Variants in PRKD1 observed in about 807,000 individuals in gnomAD.
The protein encoded by PRKD1 is serine/threonine-protein kinase D1.
In PRKD1, 63 loss-of-function variants were observed where a neutral mutation model predicts 95.9. The ratio of observed to expected loss-of-function variants is 0.66; its 90% CI spans 0.54 to 0.81. The LOEUF (loss-of-function observed/expected upper bound fraction) is 0.81, where lower values mean the gene tolerates loss of function less well. Ranked by LOEUF, PRKD1 falls within the 30% of genes least tolerant of loss-of-function variation. The pLI is 0.00. For missense variants in PRKD1, 1,048 were observed against 1,165.3 expected (o/e 0.90, Z 1.47); for synonymous variants, 425 against 423.1 (o/e 1.00, Z -0.05).
chr14:29,656,597 A>G, intron 4 of PRKD1: 3 of 1,332,526 alleles, frequency 2.3e-6, no homozygotes, highest in Non-Finnish European at 3.1e-6. Context: ...AGCAAAGCAC[A>G]TTACTCAATA....
chr14:29,755,012 T>G (rs1887631467), intron 1 of PRKD1, among the ~76,000 whole-genome samples: 1 of 152,108 alleles, frequency 6.6e-6, no homozygotes, highest in Non-Finnish European at 1.5e-5. Flanking sequence ...AATTCAATTA[T>G]GTTAATTCCT....
At chr14:29,858,805 T>C (rs988641085) in intron 1 of PRKD1, among the ~76,000 whole-genome samples, 12 of 152,206 alleles carry the variant, frequency 7.9e-5, no homozygotes, top group Admixed American at 7.2e-4. Flanking sequence ...TATTCTCATT[T>C]CTTTTTCCAT....
Position 29,669,219 on chromosome 14 carries a change from T to C in PRKD1, c.404-3011A>G, listed in dbSNP as rs544111857. On this transcript the variant is annotated intron_variant, in intron 2 of 17. Transcript: ENST00000331968. ...TTCTCAAGATCAAAAATTCTTTTAG[T>C]ATGCTTTTTGCATGAGCTCCATGTT... Among the ~76,000 whole-genome samples, 7 of 152,318 alleles carry C rather than the reference T, an allele frequency of 4.6e-5. No individual in the cohort carries two copies. In the South Asian group the frequency reaches 1.5e-3, roughly 32 times the overall value.
intron 2 of PRKD1, among the ~76,000 whole-genome samples, chr14:29,706,880 G>T (rs1056239910): frequency 6.6e-6 from 1 of 152,110 alleles, no homozygotes; most frequent in Admixed American, 6.6e-5. Flanking sequence ...GATTCTTAGG[G>T]AAGGATATAT....
chr14:29,598,743 G>A (rs1443138125), intron 15 of PRKD1, among the ~76,000 whole-genome samples: 2 of 152,148 alleles, frequency 1.3e-5, no homozygotes, highest in Non-Finnish European at 1.5e-5. Context: ...CCATTAATGA[G>A]CAGGTAACAT....
rs534407511 is a variant in PRKD1 at position 29,803,233 on chromosome 14, C to T, written c.265-77559G>A. On this transcript the variant is annotated intron_variant, in intron 1 of 17. Coordinates refer to ENST00000331968, the MANE Select transcript of PRKD1 (RefSeq NM_002742.3). ...TGGAGGGAAAAACAGAGCTAAGGTC[C>T]AAATATTGTGAAATACAATGTACAT... is the stretch of plus-strand genomic sequence containing the variant. Among the ~76,000 whole-genome samples the T allele has an allele frequency of 5.9e-5, 9 of 152,226 alleles. No individual in the cohort carries two copies. The South Asian group carries it at 8.3e-4, about 14-fold the overall frequency.
chr14:29,717,041 A>T (rs1333200098), intron 2 of PRKD1, among the ~76,000 whole-genome samples: 2 of 152,194 alleles, frequency 1.3e-5, no homozygotes, highest in Non-Finnish European at 2.9e-5. Context: ...TTACTAATAG[A>T]TTATGTCAAG....
chr14:29,663,158 T>TATATAC (rs569589884), intron 4 of PRKD1, among the ~76,000 whole-genome samples: 1,516 of 146,084 alleles, frequency 0.01, 22 homozygotes, highest in African/African-American at 0.036. Context: ...CATATATATA[T>TATATAC]ATATATATAT....
At chr14:29,594,465 C>T (rs1265492739) in intron 16 of PRKD1, among the ~76,000 whole-genome samples, 2 of 152,076 alleles carry the variant, frequency 1.3e-5, no homozygotes, top group East Asian at 1.9e-4. Flanking sequence ...CTTTCATAAC[C>T]TTTATCTCAT....
At chr14:29,790,535 T>C (rs555074764) in intron 1 of PRKD1, among the ~76,000 whole-genome samples, 1 of 152,306 alleles carries the variant, frequency 6.6e-6, no homozygotes, top group Admixed American at 6.5e-5. Flanking sequence ...ATTTTTTAAT[T>C]TGGCTTAACC....
intron 2 of PRKD1, among the ~76,000 whole-genome samples, chr14:29,681,645 T>C (rs1306878345): frequency 1.3e-5 from 2 of 152,148 alleles, no homozygotes; most frequent in African/African-American, 2.4e-5. Context: ...CTGAGGAATA[T>C]GAACCAAGTA....
chr14:29,875,509 T>A (rs1594594762), intron 1 of PRKD1, among the ~76,000 whole-genome samples: 1 of 152,242 alleles, frequency 6.6e-6, no homozygotes, highest in African/African-American at 2.4e-5. Context: ...TCTGTTATTG[T>A]TGGCATAATA....
rs539170113 is a variant in PRKD1, at chr14:29,623,943, A to T, written c.1905+209T>A. 4.6e-5 allele frequency among the ~76,000 whole-genome samples: 7 copies of T among 152,330 alleles called. No individual in the cohort carries two copies. In the East Asian group the frequency reaches 1.4e-3, roughly 29 times the overall value. On this transcript the variant is annotated intron_variant, in intron 13 of 17. Coordinates refer to ENST00000331968, the MANE Select transcript of PRKD1 (RefSeq NM_002742.3). ...ATATTAATTATATATTAAAACCTAC[A>T]ATTAAATACATAAAAAAGAACAACT...
At chr14:29,655,812 AAT>A (rs1246989493) in intron 4 of PRKD1, among the ~76,000 whole-genome samples, 1 of 152,040 alleles carries the variant, frequency 6.6e-6, no homozygotes, top group Admixed American at 6.6e-5. Flanking sequence ...AAAAATAATT[AAT>A]AGATTGTGAT....
chr14:29,725,648 C>T lies in PRKD1; in HGVS notation c.291G>A (p.Met97Ile), dbSNP rs144702345. ...QKFPECGFYGMYDKILLFRHD... is the reference protein window; with the variant it reads ...QKFPECGFYGIYDKILLFRHD... ...GGCGAAAAAGCAGGATCTTATCATA[C>T]ATTCCGTAGAAACCACATTCAGGGA... The change falls in exon 2 of 18, where the codon ATG (methionine) becomes ATA (isoleucine). Residue 97 changes from methionine (M) to isoleucine (I), a missense_variant. Met to Ile is a conservative substitution (Grantham distance 10). Coordinates refer to ENST00000331968, the MANE Select transcript of PRKD1 (RefSeq NM_002742.3). 3.7e-6 allele frequency: 6 copies of T among 1,613,642 alleles called. No homozygotes were observed. Among genetic ancestry groups the T allele is most frequent in the East Asian group, 2.2e-5 (1 of 44,870 alleles).
intron 1 of PRKD1, among the ~76,000 whole-genome samples, chr14:29,801,911 C>T (rs1050337435): frequency 1.4e-4 from 21 of 152,220 alleles, no homozygotes; most frequent in African/African-American, 5.1e-4. Flanking sequence ...TGGTCTCAAA[C>T]TCCTGACCTC....
At chr14:29,909,331 C>T (rs1487946832) in intron 1 of PRKD1, among the ~76,000 whole-genome samples, 1 of 151,060 alleles carries the variant, frequency 6.6e-6, no homozygotes, top group South Asian at 2.1e-4. Context: ...CGAGCCTCCC[C>T]AGTGAGTGCC....
chr14:29,844,953 T>C (rs11851625), intron 1 of PRKD1, among the ~76,000 whole-genome samples: 39,656 of 152,088 alleles, frequency 0.26, 7,005 homozygotes, highest in African/African-American at 0.49. Context: ...AATGACCATA[T>C]AACATTTCTG....
chr14:29,743,365 T>C (rs1300781567), intron 1 of PRKD1, among the ~76,000 whole-genome samples: 1 of 152,166 alleles, frequency 6.6e-6, no homozygotes, highest in Non-Finnish European at 1.5e-5. Context: ...AGAAAGGGTA[T>C]ATATAAAAAT....
Sources: gnomAD v4.1 joint callset for allele counts (sites outside exome capture counted in the v4.1 genomes callset) on GRCh38, gnomAD v4.1.1 for gene constraint, MANE v1.5 for transcripts, NCBI Gene and HGNC (gene_info 2026-07-23, HGNC 2026-07-21) for gene names.